The following MAF variants were observed in gnomAD, a reference collection of about 807,000 sequenced individuals.
MAF encodes the protein transcription factor Maf.
Under a neutral mutation model 22.0 loss-of-function variants are expected in MAF, and 10 were observed. The observed-to-expected ratio is 0.45, with a 90% CI of 0.28 to 0.77. MAF has a LOEUF of 0.77. Among genes scored for constraint, MAF ranks in the 30% least tolerant of loss-of-function variants. The pLI is 0.12. For synonymous variants in MAF, 337 were observed against 255.8 expected (o/e 1.32, Z -3.03); for missense variants, 544 against 548.4 (o/e 0.99, Z 0.08).
At chr16:79,293,468 T>C in the MAF span, among the ~76,000 whole-genome samples, 2 of 152,244 alleles carry the variant, frequency 1.3e-5, no homozygotes, top group Non-Finnish European at 1.5e-5. Flanking sequence ...GTTACATTTT[T>C]GCACATAATA....
chr16:79,492,900 G>A, the MAF span, among the ~76,000 whole-genome samples: 3 of 152,118 alleles, frequency 2.0e-5, no homozygotes, highest in Admixed American at 6.5e-5. Flanking sequence ...TATGAAGGGG[G>A]TCTGCAGAAC....
the MAF span, among the ~76,000 whole-genome samples, chr16:79,560,063 T>C: frequency 7.4e-4 from 113 of 152,192 alleles, no homozygotes; most frequent in East Asian, 0.021. Flanking sequence ...GGCCACCATG[T>C]GTGGCTGATT....
At chr16:79,249,023 T>C in the MAF span, among the ~76,000 whole-genome samples, 1 of 152,182 alleles carries the variant, frequency 6.6e-6, no homozygotes. Flanking sequence ...AAAATTCATA[T>C]GCTGAAGCCT....
downstream of MAF, among the ~76,000 whole-genome samples, chr16:79,581,234 C>G (rs1026114106): frequency 2.6e-5 from 4 of 151,998 alleles, no homozygotes; most frequent in African/African-American, 7.3e-5. Context: ...AATGTTCAGC[C>G]CAGTAAGAGA....
chr16:79,435,886 G>T, the MAF span, among the ~76,000 whole-genome samples: 39 of 152,288 alleles, frequency 2.6e-4, no homozygotes, highest in South Asian at 6.0e-3. Flanking sequence ...AGCATGTGAG[G>T]AAAGCTTGGC....
At chr16:79,433,188 TG>T in the MAF span, among the ~76,000 whole-genome samples, 1 of 151,842 alleles carries the variant, frequency 6.6e-6, no homozygotes, top group African/African-American at 2.4e-5. Context: ...AAAGGGTGAC[TG>T]TCATTATTTA....
At chr16:79,217,604 G>A in the MAF span, among the ~76,000 whole-genome samples, 89 of 152,116 alleles carry the variant, frequency 5.9e-4, no homozygotes, top group Non-Finnish European at 1.1e-3. Context: ...CGAGTTCTTC[G>A]CGCTCATCTG....
At chr16:79,547,316 C>T in the MAF span, among the ~76,000 whole-genome samples, 7 of 151,852 alleles carry the variant, frequency 4.6e-5, no homozygotes, top group South Asian at 2.1e-4. Context: ...TATACACATT[C>T]GCCTGTACAC....
At chr16:79,479,062 C>G in the MAF span, among the ~76,000 whole-genome samples, 1 of 151,636 alleles carries the variant, frequency 6.6e-6, no homozygotes, top group African/African-American at 2.4e-5. Flanking sequence ...CTGTGCACCA[C>G]TCTAGCACAT....
downstream of MAF, among the ~76,000 whole-genome samples, chr16:79,581,837 C>T (rs1597828483): frequency 6.6e-6 from 1 of 152,204 alleles, no homozygotes; most frequent in East Asian, 1.9e-4. Flanking sequence ...ATTCCGCAGG[C>T]TTACACCTGA....
At chr16:79,501,970 T>C in the MAF span, among the ~76,000 whole-genome samples, 1 of 152,324 alleles carries the variant, frequency 6.6e-6, no homozygotes, top group East Asian at 1.9e-4. Context: ...GAAGTGGCTG[T>C]GAGGTATTAT....
At chr16:79,266,387 C>G in the MAF span, among the ~76,000 whole-genome samples, 1 of 152,158 alleles carries the variant, frequency 6.6e-6, no homozygotes, top group Non-Finnish European at 1.5e-5. Context: ...TGAATCCAAG[C>G]CTTTAATAGA....
the MAF span, among the ~76,000 whole-genome samples, chr16:79,225,357 TAACTC>T: frequency 7.2e-5 from 11 of 152,180 alleles, no homozygotes; most frequent in East Asian, 1.5e-3. Flanking sequence ...ATACAAAAAT[TAACTC>T]AAGCTGGATT....
At chr16:79,536,408 C>T in the MAF span, among the ~76,000 whole-genome samples, 36 of 152,228 alleles carry the variant, frequency 2.4e-4, no homozygotes, top group African/African-American at 7.9e-4. Context: ...TTGGGGAGGC[C>T]GAGGTGGGCA....
chr16:79,440,498 C>A, the MAF span, among the ~76,000 whole-genome samples: 478 of 152,260 alleles, frequency 3.1e-3, 3 homozygotes, highest in African/African-American at 0.011. Context: ...TGCAGTGGTG[C>A]AATCTTGGCT....
the MAF span, among the ~76,000 whole-genome samples, chr16:79,480,672 G>A: frequency 6.6e-6 from 1 of 152,194 alleles, no homozygotes; most frequent in African/African-American, 2.4e-5. Context: ...TCAGAAGCCA[G>A]GAACAGAGCT....
At chr16:79,416,506 A>AAAC in the MAF span, among the ~76,000 whole-genome samples, 4 of 152,004 alleles carry the variant, frequency 2.6e-5, no homozygotes, top group African/African-American at 9.7e-5. Flanking sequence ...TTGCAAAAAA[A>AAAC]AAAAAAAGAT....
chr16:79,545,617 C>A, the MAF span, among the ~76,000 whole-genome samples: 1 of 151,940 alleles, frequency 6.6e-6, no homozygotes, highest in Non-Finnish European at 1.5e-5. Context: ...CACCCCCCCA[C>A]AGAGGCATCT....
the MAF span, among the ~76,000 whole-genome samples, chr16:79,283,628 T>A: frequency 1.3e-5 from 2 of 152,218 alleles, no homozygotes; most frequent in Non-Finnish European, 2.9e-5. Context: ...ATAAAAATCT[T>A]AGGTAGTTTC....
Sources: gnomAD v4.1 joint callset for allele counts (sites outside exome capture counted in the v4.1 genomes callset) on GRCh38, gnomAD v4.1.1 for gene constraint, MANE v1.5 for transcripts, NCBI Gene and HGNC (gene_info 2026-07-23, HGNC 2026-07-21) for gene names.